The following P2RY8 variants were observed in gnomAD, a reference collection of about 807,000 sequenced individuals.
P2RY8 encodes P2Y receptor family member 8.
Under a neutral mutation model 10.0 loss-of-function variants are expected in P2RY8, and 6 were observed. The ratio of observed to expected loss-of-function variants is 0.60; its 90% CI spans 0.33 to 1.19. The LOEUF (loss-of-function observed/expected upper bound fraction) is 1.19. Among genes scored for constraint, P2RY8 ranks in the 50% most tolerant of loss-of-function variants. P2RY8 has a pLI of 0.04. For missense variants in P2RY8, 456 were observed against 542.0 expected (o/e 0.84, Z 1.58); for synonymous variants, 276 against 252.5 (o/e 1.09, Z -0.88).
At chrX:1,481,658 C>T (rs2091937103) in intron 1 of P2RY8, among the ~76,000 whole-genome samples, 1 of 152,008 alleles carries the variant, frequency 6.6e-6, no homozygotes, top group East Asian at 1.9e-4. Context: ...TAGTGGAGCT[C>T]AGCTTCCAAC....
chrX:1,512,217 A>C (rs2092302803), intron 1 of P2RY8, among the ~76,000 whole-genome samples: 1 of 152,114 alleles, frequency 6.6e-6, no homozygotes, highest in Non-Finnish European at 1.5e-5. Flanking sequence ...AGGTGCAGGC[A>C]GGCCCACGGT....
chrX:1,469,669 A>G (rs1350278653), intron 1 of P2RY8, among the ~76,000 whole-genome samples: 1 of 151,954 alleles, frequency 6.6e-6, no homozygotes, highest in Admixed American at 6.6e-5. Context: ...AGGTGGGCAG[A>G]TCACGAGGTC....
chrX:1,487,993 C>A (rs1479253436), intron 1 of P2RY8, among the ~76,000 whole-genome samples: 1 of 152,056 alleles, frequency 6.6e-6, no homozygotes, highest in African/African-American at 2.4e-5. Flanking sequence ...GTCTGTAATC[C>A]CAGCAACTTG....
intron 1 of P2RY8, among the ~76,000 whole-genome samples, chrX:1,525,472 C>G (rs1424556087): frequency 2.0e-5 from 3 of 152,124 alleles, no homozygotes; most frequent in Non-Finnish European, 4.4e-5. Context: ...CCAGGGACGT[C>G]AAGGATGGCA....
At chrX:1,523,472 A>G (rs1274004088) in intron 1 of P2RY8, among the ~76,000 whole-genome samples, 3 of 152,160 alleles carry the variant, frequency 2.0e-5, no homozygotes. Context: ...AGCGGTATCA[A>G]TACTTTCTTC....
At chrX:1,469,187 C>G (rs1475674212) in intron 1 of P2RY8, among the ~76,000 whole-genome samples, 1 of 138,478 alleles carries the variant, frequency 7.2e-6, no homozygotes, top group African/African-American at 2.8e-5. Flanking sequence ...CCCCTCTTTT[C>G]TTTTCGCAGT....
chrX:1,509,142 T>TC (rs2092268486), intron 1 of P2RY8, among the ~76,000 whole-genome samples: 54 of 144,922 alleles, frequency 3.7e-4, no homozygotes, highest in East Asian at 1.4e-3. Flanking sequence ...TATCTATCTA[T>TC]CATCTATGTA....
At position 1,473,833 on chromosome X, in the gene P2RY8, T is replaced by C. The variant is rs1488919688; in HGVS notation, c.-24-7251A>G. Among the ~76,000 whole-genome samples, 3 of 143,582 alleles carry C rather than the reference T, an allele frequency of 2.1e-5. No individual in the cohort carries two copies. The East Asian group carries it at 6.9e-4, about 33-fold the overall frequency. 94.2% of individuals were successfully genotyped at this position (143,582 alleles called of 152,430 possible). ...ATGGGTGAGTGGGTGGGTGGGTGGA[T>C]GGGTGGATGGATGGATCAGTGTTTA... On this transcript the variant is annotated intron_variant, in intron 1 of 1. Transcript: ENST00000381297.
chrX:1,498,573 A>G (rs2092143321), intron 1 of P2RY8, among the ~76,000 whole-genome samples: 1 of 150,932 alleles, frequency 6.6e-6, no homozygotes, highest in Admixed American at 6.6e-5. Flanking sequence ...GCTAGAGTGC[A>G]GTGGCACAAT....
intron 1 of P2RY8, among the ~76,000 whole-genome samples, chrX:1,509,381 T>C (rs866677804): frequency 3.0e-5 from 3 of 98,598 alleles, no homozygotes; most frequent in Non-Finnish European, 7.8e-5. Flanking sequence ...CTATTCTATC[T>C]ATCTATCTAT....
intron 1 of P2RY8, among the ~76,000 whole-genome samples, chrX:1,475,947 T>C (rs1402242855): frequency 2.0e-5 from 3 of 152,160 alleles, no homozygotes; most frequent in African/African-American, 7.2e-5. Context: ...CATGGTTGCA[T>C]TGAACCACTA....
chrX:1,469,193 G>A (rs1190520949), intron 1 of P2RY8, among the ~76,000 whole-genome samples: 2 of 126,912 alleles, frequency 1.6e-5, no homozygotes, highest in Admixed American at 9.0e-5. Context: ...TTTTCTTTTC[G>A]CAGTCTGTCA....
At chrX:1,487,825 G>T (rs2149388670) in intron 1 of P2RY8, among the ~76,000 whole-genome samples, 1 of 152,232 alleles carries the variant, frequency 6.6e-6, no homozygotes, top group South Asian at 2.1e-4. Flanking sequence ...AAAAAAGAAG[G>T]CCGGGCCAGG....
chrX:1,480,729 G>A lies in P2RY8; in HGVS notation c.-24-14147C>T, dbSNP rs1367585491. On this transcript the variant is annotated intron_variant, in intron 1 of 1. Transcript: ENST00000381297. ...GACAAATACCTAATGTAGATGACGG[G>A]TTGATGGGTGCAGCAAACCACCCTG... Among the ~76,000 whole-genome samples the A allele has an allele frequency of 4.6e-5, 7 of 152,010 alleles. 1 individual carries two copies. The highest frequency in any genetic ancestry group is 1.0e-4 in the Non-Finnish European group (7 of 68,006).
At chrX:1,492,720 T>C (rs1326956144) in intron 1 of P2RY8, among the ~76,000 whole-genome samples, 1 of 151,966 alleles carries the variant, frequency 6.6e-6, no homozygotes, top group Non-Finnish European at 1.5e-5. Flanking sequence ...GCACTAGGGG[T>C]AGGCAGGTTG....
chrX:1,495,501 G>T (rs1353526864), intron 1 of P2RY8, among the ~76,000 whole-genome samples: 1 of 150,164 alleles, frequency 6.7e-6, no homozygotes, highest in Non-Finnish European at 1.5e-5. Flanking sequence ...TCCAAGCCCA[G>T]GAGAGAGGCC....
At chrX:1,519,596 C>A (rs1371062614) in intron 1 of P2RY8, among the ~76,000 whole-genome samples, 1 of 151,688 alleles carries the variant, frequency 6.6e-6, no homozygotes, top group Non-Finnish European at 1.5e-5. Flanking sequence ...CTAATATTGT[C>A]TCTAATCCCC....
intron 1 of P2RY8, among the ~76,000 whole-genome samples, chrX:1,527,335 T>G (rs1440652878): frequency 1.3e-5 from 2 of 152,134 alleles, no homozygotes; most frequent in Non-Finnish European, 2.9e-5. Flanking sequence ...CATCCATCCA[T>G]CCGTTTATCC....
At chrX:1,510,496 C>T (rs1467191455) in intron 1 of P2RY8, among the ~76,000 whole-genome samples, 2 of 152,170 alleles carry the variant, frequency 1.3e-5, no homozygotes, top group African/African-American at 4.8e-5. Context: ...TTAATTTCAG[C>T]CACTTTCTCC....
Sources: gnomAD v4.1 joint callset for allele counts (sites outside exome capture counted in the v4.1 genomes callset) on GRCh38, gnomAD v4.1.1 for gene constraint, MANE v1.5 for transcripts, NCBI Gene and HGNC (gene_info 2026-07-23, HGNC 2026-07-21) for gene names.